RBFOX1: variants seen among roughly 807,000 people sequenced by gnomAD.
RBFOX1 encodes the protein RNA binding fox-1 homolog 1.
Under a neutral mutation model 57.7 loss-of-function variants are expected in RBFOX1, and 8 were observed. The ratio of observed to expected loss-of-function variants is 0.14; its 90% CI spans 0.08 to 0.25. The LOEUF is 0.25. RBFOX1 is among the 10% of genes least tolerant of loss of function. The pLI is 1.00. For missense variants in RBFOX1, 611 were observed against 548.5 expected (o/e 1.11, Z -1.14); for synonymous variants, 326 against 222.4 (o/e 1.47, Z -4.15).
intron 3 of RBFOX1, among the ~76,000 whole-genome samples, chr16:6,660,788 C>T (rs894179729): frequency 7.2e-5 from 11 of 152,222 alleles, no homozygotes; most frequent in African/African-American, 2.4e-4. Flanking sequence ...GTATCCACAC[C>T]TACAGGCCTA....
chr16:7,685,822 A>T (rs1422039866), intron 14 of RBFOX1, among the ~76,000 whole-genome samples: 1 of 152,080 alleles, frequency 6.6e-6, no homozygotes, highest in African/African-American at 2.4e-5. Flanking sequence ...TAACTGTGTC[A>T]AGATTTGAAA....
chr16:6,084,168 C>T (rs958712154), intron 1 of RBFOX1, among the ~76,000 whole-genome samples: 7 of 152,166 alleles, frequency 4.6e-5, no homozygotes, highest in African/African-American at 1.7e-4. Context: ...ATTGAGAGAG[C>T]ACGTGTAAAG....
intron 3 of RBFOX1, among the ~76,000 whole-genome samples, chr16:6,686,104 G>A (rs1358768787): frequency 1.3e-5 from 2 of 152,134 alleles, no homozygotes; most frequent in Admixed American, 6.5e-5. Context: ...CATTTCAACC[G>A]TGCAGCAGCA....
chr16:5,374,342 G>C (rs1385080014), intron 1 of RBFOX1, among the ~76,000 whole-genome samples: 1 of 152,244 alleles, frequency 6.6e-6, no homozygotes, highest in Non-Finnish European at 1.5e-5. Flanking sequence ...AAAGGAGATA[G>C]AGGCTCTCCC....
intron 2 of RBFOX1, among the ~76,000 whole-genome samples, chr16:5,569,082 C>A (rs2046176705): frequency 1.3e-5 from 2 of 151,646 alleles, no homozygotes; most frequent in South Asian, 2.1e-4. Flanking sequence ...GAACTCCTGA[C>A]CTCATGATCC....
At chr16:7,632,769 T>G (rs1028068505) in intron 11 of RBFOX1, among the ~76,000 whole-genome samples, 2 of 152,242 alleles carry the variant, frequency 1.3e-5, no homozygotes, top group Admixed American at 6.5e-5. Flanking sequence ...CTGATGGAAC[T>G]GAGACACTCA....
chr16:5,822,336 C>T (rs1347128604), intron 3 of RBFOX1, among the ~76,000 whole-genome samples: 1 of 152,160 alleles, frequency 6.6e-6, no homozygotes, highest in Non-Finnish European at 1.5e-5. Context: ...GCAGTGTTTA[C>T]TGCTTGGGTG....
intron 3 of RBFOX1, among the ~76,000 whole-genome samples, chr16:5,732,470 G>A (rs1387670587): frequency 2.6e-5 from 4 of 152,182 alleles, no homozygotes; most frequent in African/African-American, 9.7e-5. Flanking sequence ...GAGCGAGTTG[G>A]CTCTAGGGCA....
At chr16:5,285,594 A>G (rs1259428935) in intron 1 of RBFOX1, among the ~76,000 whole-genome samples, 2 of 152,024 alleles carry the variant, frequency 1.3e-5, no homozygotes, top group Non-Finnish European at 2.9e-5. Context: ...AATTTTATGG[A>G]TTCGCTTTTA....
In RBFOX1 at chr16:7,134,013, G is replaced by C. The variant is rs558560085; in HGVS notation, c.27+81915G>C. Among the ~76,000 whole-genome samples the C allele has an allele frequency of 8.5e-5, 13 of 152,320 alleles. 1 individual carries two copies. The highest frequency in any genetic ancestry group is 8.3e-4 in the South Asian group (4 of 4,826). On this transcript the variant is annotated intron_variant, in intron 4 of 15. Transcript: ENST00000550418. The stretch of plus-strand genomic sequence containing the variant: ...AATTCTAAGCCTTGCAATATTTGAA[G>C]TGTGATACTGTGCTTCAGTAAATTT...
intron 1 of RBFOX1, among the ~76,000 whole-genome samples, chr16:5,454,239 T>C (rs1225969462): frequency 6.6e-6 from 1 of 152,192 alleles, no homozygotes; most frequent in African/African-American, 2.4e-5. Context: ...CACACTTCCC[T>C]CTGGAGGGAA....
chr16:6,546,950 C>A (rs866605992), intron 2 of RBFOX1, among the ~76,000 whole-genome samples: 1 of 152,162 alleles, frequency 6.6e-6, no homozygotes, highest in Non-Finnish European at 1.5e-5. Context: ...TCCGTAGATT[C>A]AATTAACTTT....
intron 4 of RBFOX1, among the ~76,000 whole-genome samples, chr16:7,433,060 C>T (rs1184130620): frequency 6.6e-6 from 1 of 152,148 alleles, no homozygotes; most frequent in Admixed American, 6.5e-5. Flanking sequence ...TCTTGTTTTC[C>T]CAGGATTCTT....
chr16:5,715,625 C>A (rs2051667773), intron 3 of RBFOX1, among the ~76,000 whole-genome samples: 1 of 152,190 alleles, frequency 6.6e-6, no homozygotes, highest in Admixed American at 6.5e-5. Flanking sequence ...CAAAAATAAT[C>A]TCCGTGCTGT....
intron 5 of RBFOX1, among the ~76,000 whole-genome samples, chr16:7,535,120 C>A (rs2081171833): frequency 6.6e-6 from 1 of 152,198 alleles, no homozygotes; most frequent in South Asian, 2.1e-4. Context: ...TTCCCTTGTG[C>A]ATGGCTATGA....
At chr16:6,999,906 T>C (rs753695898) in intron 3 of RBFOX1, among the ~76,000 whole-genome samples, 1 of 151,856 alleles carries the variant, frequency 6.6e-6, no homozygotes, top group Non-Finnish European at 1.5e-5. Flanking sequence ...ACCCTGTCTT[T>C]ACTAAAAATA....
chr16:7,273,210 C>CTTCCTTCG (rs2095368840), intron 4 of RBFOX1, among the ~76,000 whole-genome samples: 1 of 101,988 alleles, frequency 9.8e-6, no homozygotes, highest in Non-Finnish European at 2.0e-5. Flanking sequence ...CCCTCCCTTC[C>CTTCCTTCG]TTCCTTCCTT....
rs188798215 is a variant in RBFOX1, at chr16:6,687,352, G to A, written c.-16+32702G>A. Among the ~76,000 whole-genome samples the A allele has an allele frequency of 6.8e-4, 104 of 152,238 alleles. 1 individual carries two copies. Among genetic ancestry groups the A allele is most frequent in the African/African-American group, 2.2e-3 (90 of 41,544 alleles). ...ATTAGGTACAATGTACACTACTTGC[G>A]TGACAGGTTTACCAATATTTCAGAA... On this transcript the variant is annotated intron_variant, in intron 3 of 15. Transcript: ENST00000550418.
chr16:7,248,673 G>C (rs895832416), intron 4 of RBFOX1, among the ~76,000 whole-genome samples: 2 of 152,124 alleles, frequency 1.3e-5, no homozygotes, highest in Admixed American at 1.3e-4. Context: ...GGAAATTCAA[G>C]TACTGCAGAT....
Sources: allele counts gnomAD v4.1 joint callset (sites outside exome capture counted in the v4.1 genomes callset), GRCh38; gene constraint gnomAD v4.1.1; transcripts MANE v1.5; gene names NCBI Gene and HGNC (gene_info 2026-07-23, HGNC 2026-07-21).